Variants in NXPH2 observed in about 807,000 individuals in gnomAD.
The protein encoded by NXPH2 is neurexophilin 2, also known as neurexophilin-2.
Under a neutral mutation model 19.8 loss-of-function variants are expected in NXPH2, and 5 were observed. That is an observed-to-expected ratio of 0.25 (90% CI 0.13 to 0.53). NXPH2 has a LOEUF of 0.53. Among genes scored for constraint, NXPH2 ranks in the 20% least tolerant of loss-of-function variants. The pLI is 0.96. For missense variants in NXPH2, 289 were observed against 322.8 expected (o/e 0.90, Z 0.80); for synonymous variants, 154 against 127.4 (o/e 1.21, Z -1.41).
At chr2:138,722,852 T>C (rs1009617528) in intron 1 of NXPH2, among the ~76,000 whole-genome samples, 1 of 152,222 alleles carries the variant, frequency 6.6e-6, no homozygotes, top group Non-Finnish European at 1.5e-5. Context: ...ATCAGTTCTT[T>C]CCACCTTCCT....
intron 1 of NXPH2, among the ~76,000 whole-genome samples, chr2:138,715,841 T>A (rs192307546): frequency 1.3e-5 from 2 of 152,334 alleles, no homozygotes; most frequent in East Asian, 3.9e-4. Flanking sequence ...ATCAGCCACC[T>A]CTTCAACAGA....
At chr2:138,685,854 T>C (rs931991936) in intron 1 of NXPH2, among the ~76,000 whole-genome samples, 3 of 152,174 alleles carry the variant, frequency 2.0e-5, no homozygotes, top group African/African-American at 7.2e-5. Context: ...GAGTAAACCA[T>C]CAAAGTATAG....
intron 1 of NXPH2, among the ~76,000 whole-genome samples, chr2:138,682,373 T>C (rs1184445702): frequency 2.0e-5 from 3 of 152,142 alleles, no homozygotes; most frequent in Non-Finnish European, 4.4e-5. Flanking sequence ...TGATTAGTAG[T>C]ATGGCTTGCC....
chr2:138,728,155 G>A (rs1681387625), intron 1 of NXPH2, among the ~76,000 whole-genome samples: 2 of 148,752 alleles, frequency 1.3e-5, no homozygotes, highest in Middle Eastern at 7.0e-3. Flanking sequence ...ACCAGAGTGC[G>A]CTCTCTCTCT....
At chr2:138,745,158 G>A (rs569543877) in intron 1 of NXPH2, among the ~76,000 whole-genome samples, 4 of 152,304 alleles carry the variant, frequency 2.6e-5, no homozygotes, top group Admixed American at 2.0e-4. Context: ...CAGGTGCCCA[G>A]CATACTGGGA....
At chr2:138,721,980 G>A (rs1573966530) in intron 1 of NXPH2, among the ~76,000 whole-genome samples, 1 of 152,212 alleles carries the variant, frequency 6.6e-6, no homozygotes, top group Admixed American at 6.5e-5. Context: ...GCTTGATTCA[G>A]TAGAAAGAGC....
At chr2:138,778,096 G>A (rs1165294787) in intron 1 of NXPH2, among the ~76,000 whole-genome samples, 1 of 152,142 alleles carries the variant, frequency 6.6e-6, no homozygotes, top group East Asian at 1.9e-4. Context: ...TTTCAATTTA[G>A]ATATGCTCAG....
chr2:138,682,600 T>C (rs192681644), intron 1 of NXPH2, among the ~76,000 whole-genome samples: 16 of 152,302 alleles, frequency 1.1e-4, no homozygotes, highest in Middle Eastern at 3.4e-3. Context: ...ACAGTGGACA[T>C]CCTTTCTGCT....
intron 1 of NXPH2, among the ~76,000 whole-genome samples, chr2:138,680,474 T>C (rs1325942107): frequency 1.3e-5 from 2 of 152,222 alleles, no homozygotes; most frequent in African/African-American, 4.8e-5. Flanking sequence ...ATTTGTGCTG[T>C]AGGCACTGAG....
At chr2:138,693,777 G>T (rs1263211758) in intron 1 of NXPH2, among the ~76,000 whole-genome samples, 1 of 152,102 alleles carries the variant, frequency 6.6e-6, no homozygotes, top group East Asian at 1.9e-4. Flanking sequence ...CATGAGGACT[G>T]CCCATCAACA....
At chr2:138,733,326 C>A (rs546500501) in intron 1 of NXPH2, among the ~76,000 whole-genome samples, 1 of 152,130 alleles carries the variant, frequency 6.6e-6, no homozygotes, top group South Asian at 2.1e-4. Context: ...AGAACGGATG[C>A]GAAGTTACAC....
intron 1 of NXPH2, among the ~76,000 whole-genome samples, chr2:138,699,472 G>C (rs1558916610): frequency 6.6e-6 from 1 of 152,116 alleles, no homozygotes. Context: ...ACAGAGTAGG[G>C]GGAGAAGGCA....
chr2:138,714,493 C>A (rs1447782726), intron 1 of NXPH2, among the ~76,000 whole-genome samples: 4 of 152,138 alleles, frequency 2.6e-5, no homozygotes, highest in African/African-American at 9.6e-5. Context: ...TTAGGAAGAA[C>A]CTTAAAGTCT....
chr2:138,760,216 A>G (rs1265732778), intron 1 of NXPH2, among the ~76,000 whole-genome samples: 3 of 152,174 alleles, frequency 2.0e-5, no homozygotes, highest in Non-Finnish European at 4.4e-5. Flanking sequence ...AGGGTGACAG[A>G]ACAATAAGAT....
Position 138,780,168 on chromosome 2 carries a change from C to T in NXPH2, c.51+23G>A, listed in dbSNP as rs539199628. On this transcript the variant is annotated intron_variant, in intron 1 of 1. Transcript: ENST00000272641. Reference sequence around the variant, plus strand: ...CGAAACGCGTCCCCGGCGTGTGGGACGGCGCGCGGGCCGGGCACTCACCAG... The same window carrying T: ...CGAAACGCGTCCCCGGCGTGTGGGATGGCGCGCGGGCCGGGCACTCACCAG... 5.1e-5 allele frequency: 76 copies of T among 1,476,128 alleles called. No individual in the cohort carries two copies. The African/African-American group carries it at 1.0e-3, about 20-fold the overall frequency. 91.4% of individuals were successfully genotyped at this position (1,476,128 alleles called of 1,614,324 possible). A position where few individuals can be genotyped will look rare whatever the true frequency, so the allele number is the denominator to read the frequency against.
intron 1 of NXPH2, among the ~76,000 whole-genome samples, chr2:138,737,055 A>T (rs1347968522): frequency 6.6e-6 from 1 of 152,152 alleles, no homozygotes; most frequent in African/African-American, 2.4e-5. Flanking sequence ...GAAGTTCCAA[A>T]CTTTCCCACA....
intron 1 of NXPH2, among the ~76,000 whole-genome samples, chr2:138,702,432 T>C (rs1356376506): frequency 6.6e-6 from 1 of 152,132 alleles, no homozygotes; most frequent in Non-Finnish European, 1.5e-5. Context: ...TTTCTTTTTC[T>C]GTTAGTGTAT....
rs769613268 is a variant in NXPH2, at chr2:138,780,174, G to A, written c.51+17C>T. 5.4e-6 allele frequency: 8 copies of A among 1,485,582 alleles called. No individual in the cohort carries two copies. In the South Asian group the frequency reaches 8.9e-5, roughly 17 times the overall value. The allele number at this position is 1,485,582 out of a possible 1,614,324, so 92.0% of individuals were successfully genotyped here. ...GCGTCCCCGGCGTGTGGGACGGCGCGCGGGCCGGGCACTCACCAGCTGCAG... is the reference window on the plus strand; with the variant it reads ...GCGTCCCCGGCGTGTGGGACGGCGCACGGGCCGGGCACTCACCAGCTGCAG... On this transcript the variant is annotated intron_variant, in intron 1 of 1. Coordinates refer to ENST00000272641, the MANE Select transcript of NXPH2 (RefSeq NM_007226.3).
intron 1 of NXPH2, among the ~76,000 whole-genome samples, chr2:138,734,917 C>G (rs1272895451): frequency 1.3e-5 from 2 of 152,106 alleles, no homozygotes; most frequent in African/African-American, 4.8e-5. Context: ...TGAGGAGATA[C>G]AAATCAGAAA....
Sources: allele counts gnomAD v4.1 joint callset (sites outside exome capture counted in the v4.1 genomes callset), GRCh38; gene constraint gnomAD v4.1.1; transcripts MANE v1.5; gene names NCBI Gene and HGNC (gene_info 2026-07-23, HGNC 2026-07-21).